MCMBP: variants seen among roughly 807,000 people sequenced by gnomAD.
MCMBP encodes mini-chromosome maintenance complex-binding protein.
Under a neutral mutation model 81.3 loss-of-function variants are expected in MCMBP, and 31 were observed. That is an observed-to-expected ratio of 0.38 (90% CI 0.29 to 0.51). MCMBP has a LOEUF of 0.51. Among genes scored for constraint, MCMBP ranks in the 20% least tolerant of loss-of-function variants. The pLI is 0.87. For missense variants in MCMBP, 645 were observed against 772.1 expected, an observed-to-expected ratio of 0.84 and a Z score of 1.95; for synonymous variants, 267 against 275.9, an observed-to-expected ratio of 0.97 and a Z score of 0.32.
chr10:119,872,460 G>T (rs1190898204), intron 1 of MCMBP, 67 bp downstream of exon 1: 3 of 989,024 alleles, frequency 3.0e-6, no homozygotes, highest in Non-Finnish European at 3.8e-6. Flanking sequence ...CCGCGCGGCG[G>T]GGCCCTGCCC....
At chr10:119,861,453 AT>A (rs1191557163) in intron 1 of MCMBP, among the ~76,000 whole-genome samples, 1 of 152,164 alleles carries the variant, frequency 6.6e-6, no homozygotes, top group Non-Finnish European at 1.5e-5. Flanking sequence ...AGCAATTCAT[AT>A]TTTAAAAAGC....
Position 119,843,434 on chromosome 10 carries a change from G to A in MCMBP, c.828-8C>T. 1.9e-6 allele frequency: 3 copies of A among 1,610,354 alleles called. No homozygotes were observed. Among genetic ancestry groups the A allele is most frequent in the Non-Finnish European group, 2.5e-6 (3 of 1,177,330 alleles). The stretch of plus-strand genomic sequence containing the variant: ...AGCAGTGCAGAGGCATCCCTGTGGA[G>A]AGGTGATAAAGTTTCAATTTAGAGA... On this transcript the variant is annotated splice_polypyrimidine_tract_variant and splice_region_variant and intron_variant, in intron 8 of 15. Transcript: ENST00000369077.
At chr10:119,851,488 A>C (rs1201437077) in intron 6 of MCMBP, among the ~76,000 whole-genome samples, 1 of 152,020 alleles carries the variant, frequency 6.6e-6, no homozygotes, top group African/African-American at 2.4e-5. Flanking sequence ...CTGGAGTGCA[A>C]TGGCATGATC....
chr10:119,872,097 T>G (rs1226460502), intron 1 of MCMBP, among the ~76,000 whole-genome samples: 1 of 152,156 alleles, frequency 6.6e-6, no homozygotes, highest in Non-Finnish European at 1.5e-5. Context: ...CCGGAAGTTT[T>G]GAAATATCCT....
intron 1 of MCMBP, among the ~76,000 whole-genome samples, chr10:119,870,955 A>G (rs1377756867): frequency 6.6e-6 from 1 of 152,222 alleles, no homozygotes; most frequent in Non-Finnish European, 1.5e-5. Context: ...CTGTACTATG[A>G]TGAGATGTGT....
In MCMBP at chr10:119,832,224, A is replaced by T. The variant is rs183796615; in HGVS notation, c.1708-124T>A. 6.6e-5 allele frequency: 43 copies of T among 652,660 alleles called. No individual in the cohort carries two copies. In the East Asian group the frequency reaches 1.2e-3, roughly 19 times the overall value. 40.4% of individuals were successfully genotyped at this position (652,660 alleles called of 1,614,324 possible). On this transcript the variant is annotated intron_variant, in intron 14 of 15. Transcript: ENST00000369077. Reference sequence around the variant, plus strand: ...TTAGACAAAGGAGGCAATATGGGTGAAAGTACCAAAGCATATACATACATA... The same window carrying T: ...TTAGACAAAGGAGGCAATATGGGTGTAAGTACCAAAGCATATACATACATA...
chr10:119,832,198 C>T, intron 14 of MCMBP, 98 bp from the exon 15 acceptor site: 1 of 1,034,634 alleles, frequency 9.7e-7, no homozygotes, highest in Non-Finnish European at 1.4e-6. Flanking sequence ...ATGTCAGCCT[C>T]TTAGACAAAG....
chr10:119,873,070 G>A (rs1853771142), upstream of MCMBP, among the ~76,000 whole-genome samples: 1 of 151,952 alleles, frequency 6.6e-6, no homozygotes, highest in African/African-American at 2.4e-5. Flanking sequence ...GTTGTCGTTT[G>A]TACCCCTGGG....
chr10:119,871,421 G>A lies in MCMBP; in HGVS notation c.58+1106C>T, dbSNP rs996910629. Among the ~76,000 whole-genome samples the A allele has an allele frequency of 5.3e-5, 8 of 151,748 alleles. No homozygotes were observed. In the East Asian group the frequency reaches 1.5e-3, roughly 29 times the overall value. ...CAGTGTTCACTGGCTAAGTTCGGAC[G>A]TCTATCCAGGCTTTTTTCTAATATA... On this transcript the variant is annotated intron_variant, in intron 1 of 15. Coordinates refer to ENST00000369077, the MANE Select transcript of MCMBP (RefSeq NM_001256378.2).
At position 119,847,644 on chromosome 10, in the gene MCMBP, G is replaced by A; in HGVS notation, c.796C>T (p.Pro266Ser). The A allele has an allele frequency of 3.1e-6, 5 of 1,610,690 alleles. No homozygotes were observed. Among genetic ancestry groups the A allele is most frequent in the Non-Finnish European group, 4.2e-6 (5 of 1,177,938 alleles). Residue 266 changes from proline to serine, a missense_variant, in exon 8 of 16, where the codon CCT (proline) becomes TCT (serine). Coordinates refer to ENST00000369077, the MANE Select transcript of MCMBP (RefSeq NM_001256378.2). ...LELYGILSVD[P>S]VLSILNNDER... is the part of the protein sequence containing the mutation. Reference sequence around the variant, plus strand: ...TCATTATTCAGTATACTCAGCACAGGATCCACAGACAGTATGCCATATAGC... The same window carrying A: ...TCATTATTCAGTATACTCAGCACAGAATCCACAGACAGTATGCCATATAGC...
intron 7 of MCMBP, 91 bp from the exon 8 acceptor site, chr10:119,847,804 T>G (rs1852669730): frequency 1.5e-6 from 1 of 664,020 alleles, no homozygotes; most frequent in Admixed American, 2.8e-5. Flanking sequence ...GAATTTTAGA[T>G]CAGGAAACAG....
intron 1 of MCMBP, among the ~76,000 whole-genome samples, chr10:119,864,109 C>T (rs35650184): frequency 0.055 from 8,323 of 152,122 alleles, 425 homozygotes; most frequent in South Asian, 0.27. Flanking sequence ...GAGAACAACT[C>T]GACTTGTTGT....
Position 119,853,174 on chromosome 10 carries a change from T to C in MCMBP, c.450A>G (p.Gln150=), listed in dbSNP as rs1233398301. The C allele has an allele frequency of 6.2e-7, 1 of 1,613,978 alleles. No individual in the cohort carries two copies. Residue 150 remains glutamine, a synonymous_variant, in exon 6 of 16, where the codon CAA becomes CAG. Transcript: ENST00000369077. ...AGGATGTTGAGGGACTGACTCGAGC[T>C]TGGTTTGCATTAACATAGGCGTTAA... The part of the protein sequence containing the change: ...WVKEAYVNAN[Q]ARVSPSTSYT...
chr10:119,840,785 G>A (rs1852404385), intron 11 of MCMBP, 58 bp downstream of exon 11: 1 of 973,052 alleles, frequency 1.0e-6, no homozygotes, highest in Non-Finnish European at 1.5e-6. Context: ...ATGAAAGACA[G>A]TTAGATGGAT....
At position 119,847,632 on chromosome 10, in the gene MCMBP, T is replaced by C. The variant is rs769062043; in HGVS notation, c.808A>G (p.Ile270Val). 4 of 1,605,748 alleles carry C rather than the reference T, an allele frequency of 2.5e-6. No individual in the cohort carries two copies. The highest frequency in any genetic ancestry group is 3.4e-6 in the Non-Finnish European group (4 of 1,173,966). The change falls in exon 8 of 16, where the codon ATA becomes GTA. Residue 270 changes from isoleucine (I) to valine (V), a missense_variant. Coordinates refer to ENST00000369077, the MANE Select transcript of MCMBP (RefSeq NM_001256378.2). Reference sequence around the variant, plus strand: ...ACTCACCTTTCATCATTATTCAGTATACTCAGCACAGGATCCACAGACAGT... The same window carrying C: ...ACTCACCTTTCATCATTATTCAGTACACTCAGCACAGGATCCACAGACAGT... ...GILSVDPVLS[I>V]LNNDERDASA...
chr10:119,864,534 CTT>C (rs34280240), intron 1 of MCMBP, among the ~76,000 whole-genome samples: 1 of 129,892 alleles, frequency 7.7e-6, no homozygotes, highest in Non-Finnish European at 1.7e-5. Flanking sequence ...ATTTGTTTTC[CTT>C]TTTTTTTTTC....
chr10:119,862,970 A>G (rs1353083673), intron 1 of MCMBP, among the ~76,000 whole-genome samples: 2 of 152,242 alleles, frequency 1.3e-5, no homozygotes, highest in Non-Finnish European at 2.9e-5. Context: ...TGTCTATTTA[A>G]GCCTACTTAA....
intron 4 of MCMBP, 36 bp downstream of exon 4, chr10:119,858,848 T>TA (rs1177375939): frequency 6.8e-7 from 1 of 1,472,940 alleles, no homozygotes; most frequent in Admixed American, 2.1e-5. Context: ...AAAAAATTCT[T>TA]ACTAAAAATG....
intron 1 of MCMBP, among the ~76,000 whole-genome samples, chr10:119,869,939 C>A (rs1160236909): frequency 1.3e-5 from 2 of 152,102 alleles, no homozygotes; most frequent in East Asian, 1.9e-4. Context: ...ATATAATAGC[C>A]CCTATCCACA....
Sources: allele counts gnomAD v4.1 joint callset (sites outside exome capture counted in the v4.1 genomes callset), GRCh38; gene constraint gnomAD v4.1.1; transcripts MANE v1.5; gene names NCBI Gene and HGNC (gene_info 2026-07-23, HGNC 2026-07-21).